Variants in LRRTM4 observed in about 807,000 individuals in gnomAD.
LRRTM4 encodes leucine-rich repeat transmembrane neuronal protein 4.
Under a neutral mutation model 47.6 loss-of-function variants are expected in LRRTM4, and 25 were observed. That is an observed-to-expected ratio of 0.53 (90% CI 0.38 to 0.73). The LOEUF is 0.73. LRRTM4 is among the 30% of genes least tolerant of loss of function. The pLI, the probability that LRRTM4 is intolerant of heterozygous loss-of-function variation, is 0.00. For synonymous variants in LRRTM4, 311 were observed against 269.5 expected (o/e 1.15, Z -1.51); for missense variants, 638 against 713.4 (o/e 0.89, Z 1.20).
intron 3 of LRRTM4, among the ~76,000 whole-genome samples, chr2:77,371,638 C>T (rs1022030387): frequency 2.0e-5 from 3 of 151,532 alleles, no homozygotes; most frequent in African/African-American, 7.3e-5. Context: ...CCATGCTTTA[C>T]TCCGGTTTTT....
chr2:76,748,375 C>A lies in LRRTM4; in HGVS notation c.*320G>T. 2 of 270,658 alleles carry A rather than the reference C, an allele frequency of 7.4e-6. No homozygotes were observed. Among genetic ancestry groups the A allele is most frequent in the Non-Finnish European group, 7.2e-6 (1 of 139,618 alleles). The allele number at this position is 270,658 out of a possible 1,614,324, so 16.8% of individuals were successfully genotyped here. On this transcript the variant is annotated 3_prime_UTR_variant, in exon 4 of 4. Coordinates refer to ENST00000409884, the MANE Select transcript of LRRTM4 (RefSeq NM_001134745.3). Reference sequence around the variant, plus strand: ...ATGCAGTGTAGAAAAATCAAATATACAAACAAACCTATATGTAGCTAGGGT... The same window carrying A: ...ATGCAGTGTAGAAAAATCAAATATAAAAACAAACCTATATGTAGCTAGGGT...
At position 77,101,056 on chromosome 2, in the gene LRRTM4, T is replaced by A. The variant is rs572788091; in HGVS notation, c.1552-352140A>T. On this transcript the variant is annotated intron_variant, in intron 3 of 3. Transcript: ENST00000409884. ...TTCACCACATTGGCCAGGATGGTCT[T>A]GATCTCCTGACCTCGTGATCCACCC... Among the ~76,000 whole-genome samples the A allele has an allele frequency of 2.2e-4, 34 of 152,012 alleles. No individual in the cohort carries two copies. The East Asian group carries it at 6.0e-3, about 27-fold the overall frequency.
At chr2:77,384,393 T>A (rs1307415262) in intron 3 of LRRTM4, among the ~76,000 whole-genome samples, 2 of 151,948 alleles carry the variant, frequency 1.3e-5, no homozygotes, top group African/African-American at 2.4e-5. Context: ...TCAATATTTC[T>A]TAAAGAACTC....
intron 3 of LRRTM4, among the ~76,000 whole-genome samples, chr2:77,306,483 A>T (rs1410223939): frequency 6.6e-6 from 1 of 152,216 alleles, no homozygotes; most frequent in African/African-American, 2.4e-5. Flanking sequence ...CTTTGGGAGC[A>T]GACATATCCC....
intron 3 of LRRTM4, among the ~76,000 whole-genome samples, chr2:76,844,921 C>T (rs143468268): frequency 2.6e-5 from 4 of 152,024 alleles, no homozygotes; most frequent in East Asian, 3.9e-4. Flanking sequence ...AATCAAAAGG[C>T]GGTAATGTGA....
At chr2:77,489,881 T>C (rs569007109) in intron 3 of LRRTM4, among the ~76,000 whole-genome samples, 50 of 152,312 alleles carry the variant, frequency 3.3e-4, no homozygotes, top group African/African-American at 1.1e-3. Flanking sequence ...TGCTAACTTA[T>C]GAGTGTGAAC....
intron 3 of LRRTM4, among the ~76,000 whole-genome samples, chr2:77,185,734 C>T (rs988913989): frequency 1.3e-5 from 2 of 152,124 alleles, no homozygotes; most frequent in Non-Finnish European, 1.5e-5. Flanking sequence ...ACACTATCCC[C>T]TGAGAATTAG....
Position 76,814,942 on chromosome 2 carries a change from A to G in LRRTM4, c.1552-66026T>C, listed in dbSNP as rs904193925. Among the ~76,000 whole-genome samples the G allele has an allele frequency of 2.9e-4, 44 of 152,120 alleles. 1 individual carries two copies. Among genetic ancestry groups the G allele is most frequent in the Admixed American group, 1.2e-3 (18 of 15,248 alleles). On this transcript the variant is annotated intron_variant, in intron 3 of 3. Coordinates refer to ENST00000409884, the MANE Select transcript of LRRTM4 (RefSeq NM_001134745.3). ...CAAATAAAAGAATATATGCATTTGC[A>G]TTTGTATGTACTTTGGAAGGACACA...
intron 3 of LRRTM4, among the ~76,000 whole-genome samples, chr2:76,969,846 G>C (rs952455271): frequency 6.6e-6 from 1 of 151,904 alleles, no homozygotes; most frequent in African/African-American, 2.4e-5. Flanking sequence ...TTCTTAGGGA[G>C]AAAATAAATA....
chr2:77,519,806 T>G lies in LRRTM4; in HGVS notation c.63A>C (p.Thr21=). 2 of 1,612,896 alleles carry G rather than the reference T, an allele frequency of 1.2e-6. No individual in the cohort carries two copies. Among genetic ancestry groups the G allele is most frequent in the Non-Finnish European group, 8.5e-7 (1 of 1,179,398 alleles). The part of the protein sequence containing the change: ...GMSVVLVLLP[T]LLLVMLTGAQ... ...CACCCGTGAGCATAACAAGCAGCAGTGTAGGAAGTAGCACCAGCACCACAC... is the reference window on the plus strand; with the variant it reads ...CACCCGTGAGCATAACAAGCAGCAGGGTAGGAAGTAGCACCAGCACCACAC... The change falls in exon 3 of 4, where the codon ACA becomes ACC. Residue 21 remains threonine (T), a synonymous_variant. Transcript: ENST00000409884. The surrounding 1 kb of genome is among the most constrained non-coding windows in gnomAD (Gnocchi z 4.6).
chr2:76,970,804 G>A (rs1488470475), intron 3 of LRRTM4, among the ~76,000 whole-genome samples: 5 of 151,996 alleles, frequency 3.3e-5, no homozygotes, highest in African/African-American at 9.7e-5. Flanking sequence ...GTTTTGTTTA[G>A]TGTGCCATCT....
intron 3 of LRRTM4, among the ~76,000 whole-genome samples, chr2:77,113,445 T>G (rs369001457): frequency 6.6e-6 from 1 of 152,188 alleles, no homozygotes; most frequent in African/African-American, 2.4e-5. Context: ...TTGAGCATTA[T>G]GAGGTTCTAG....
At position 77,519,602 on chromosome 2, in the gene LRRTM4, C is replaced by A. The variant is rs1309896202; in HGVS notation, c.267G>T (p.Trp89Cys). 1.2e-6 allele frequency: 2 copies of A among 1,613,406 alleles called. No individual in the cohort carries two copies. Among genetic ancestry groups the A allele is most frequent in the Admixed American group, 1.7e-5 (1 of 59,904 alleles). The change falls in exon 3 of 4, where the codon TGG becomes TGT. Residue 89 changes from tryptophan to cysteine, a missense_variant. Coordinates refer to ENST00000409884, the MANE Select transcript of LRRTM4 (RefSeq NM_001134745.3). This position sits in a 1 kb window ranked among gnomAD's most constrained non-coding sequence, Gnocchi z 4.6. Reference protein sequence around the residue: ...NQFAGLNQLIWLYLDHNYISS... With the variant: ...NQFAGLNQLICLYLDHNYISS... ...TAATGTAATTATGGTCAAGATAAAG[C>A]CATATAAGCTGGTTAAGGCCGGCAA...
chr2:77,438,257 A>C (rs943532090), intron 3 of LRRTM4, among the ~76,000 whole-genome samples: 2 of 152,154 alleles, frequency 1.3e-5, no homozygotes. Context: ...CACAGAAATT[A>C]ATAGAGTAGT....
intron 3 of LRRTM4, among the ~76,000 whole-genome samples, chr2:76,975,429 A>T (rs1164901458): frequency 3.7e-5 from 5 of 136,690 alleles, no homozygotes; most frequent in East Asian, 2.0e-4. Flanking sequence ...TTTATTTATT[A>T]TTTATTTTAA....
At chr2:76,914,790 C>T (rs115135065) in intron 3 of LRRTM4, among the ~76,000 whole-genome samples, 2,294 of 152,162 alleles carry the variant, frequency 0.015, 59 homozygotes, top group African/African-American at 0.053. Flanking sequence ...TTCAGGTTTA[C>T]CTAATTTTGT....
intron 3 of LRRTM4, among the ~76,000 whole-genome samples, chr2:76,890,587 A>G (rs1573264033): frequency 6.6e-6 from 1 of 152,078 alleles, no homozygotes; most frequent in Non-Finnish European, 1.5e-5. Flanking sequence ...ATCAGATAAG[A>G]AAAAAATAGC....
At chr2:76,974,239 TAC>T (rs1468843171) in intron 3 of LRRTM4, among the ~76,000 whole-genome samples, 1,672 of 114,134 alleles carry the variant, frequency 0.015, 41 homozygotes, top group African/African-American at 0.052. Context: ...TATATATATA[TAC>T]ATATATATAT....
chr2:76,978,871 A>G (rs1676504607), intron 3 of LRRTM4, among the ~76,000 whole-genome samples: 1 of 152,004 alleles, frequency 6.6e-6, no homozygotes, highest in African/African-American at 2.4e-5. Context: ...TGAAGCATGA[A>G]TTGGGTCTGA....
Sources: gnomAD v4.1 joint callset for allele counts (sites outside exome capture counted in the v4.1 genomes callset) on GRCh38, gnomAD v4.1.1 for gene constraint, Gnocchi (gnomAD v3.1) non-coding constraint, MANE v1.5 for transcripts, NCBI Gene and HGNC (gene_info 2026-07-23, HGNC 2026-07-21) for gene names.